The following PLXNC1 variants were observed in gnomAD, a reference collection of about 807,000 sequenced individuals.
The protein encoded by PLXNC1 is plexin C1, also known as plexin-C1.
In PLXNC1, 75 loss-of-function variants were observed where a neutral mutation model predicts 178.2. The ratio of observed to expected loss-of-function variants is 0.42; its 90% CI spans 0.35 to 0.51. The LOEUF is 0.51. PLXNC1 is among the 20% of genes least tolerant of loss of function. PLXNC1 has a pLI of 0.02. For missense variants in PLXNC1, 1,503 were observed against 1,984.4 expected (o/e 0.76, Z 4.61); for synonymous variants, 790 against 779.9 (o/e 1.01, Z -0.22).
At chr12:94,259,265 GTAT>G in intron 17 of PLXNC1, 69 bp from the exon 18 acceptor site, 1 of 1,132,096 alleles carries the variant, frequency 8.8e-7, no homozygotes, top group Non-Finnish European at 1.3e-6. Flanking sequence ...ACGGACTTGG[GTAT>G]TATAACAAAA....
intron 21 of PLXNC1, among the ~76,000 whole-genome samples, chr12:94,279,251 G>T (rs1398816438): frequency 6.6e-6 from 1 of 152,074 alleles, no homozygotes; most frequent in African/African-American, 2.4e-5. Context: ...TTTATTCAAT[G>T]CTTGCTCTAT....
chr12:94,298,016 A>G (rs1384365677), intron 26 of PLXNC1, among the ~76,000 whole-genome samples: 1 of 148,854 alleles, frequency 6.7e-6, no homozygotes, highest in Non-Finnish European at 1.5e-5. Flanking sequence ...TATAAATGCT[A>G]TGATCTACAC....
intron 21 of PLXNC1, among the ~76,000 whole-genome samples, chr12:94,270,138 G>A (rs1965486396): frequency 6.6e-6 from 1 of 152,234 alleles, no homozygotes; most frequent in Non-Finnish European, 1.5e-5. Flanking sequence ...AGTCATGGCG[G>A]AGATAGAAAG....
chr12:94,204,224 G>A (rs1056667428), intron 4 of PLXNC1, among the ~76,000 whole-genome samples: 2 of 152,204 alleles, frequency 1.3e-5, no homozygotes, highest in African/African-American at 4.8e-5. Context: ...TGAGACCACA[G>A]GCTTTGAGGC....
chr12:94,252,288 G>C (rs548922098), intron 15 of PLXNC1, among the ~76,000 whole-genome samples: 2 of 152,108 alleles, frequency 1.3e-5, no homozygotes, highest in Non-Finnish European at 2.9e-5. Context: ...GGTCATGCCT[G>C]GGCACAGTGG....
chr12:94,159,651 T>C (rs1245369167), intron 1 of PLXNC1, among the ~76,000 whole-genome samples: 1 of 151,952 alleles, frequency 6.6e-6, no homozygotes, highest in Non-Finnish European at 1.5e-5. Flanking sequence ...TCCTTGGCAA[T>C]GGGAAGGAGA....
intron 2 of PLXNC1, among the ~76,000 whole-genome samples, chr12:94,177,466 C>G (rs1161485151): frequency 6.8e-6 from 1 of 146,530 alleles, no homozygotes; most frequent in Non-Finnish European, 1.5e-5. Flanking sequence ...GGCCACAGAA[C>G]TTTTTGATAA....
intron 4 of PLXNC1, among the ~76,000 whole-genome samples, chr12:94,189,572 C>T (rs574661237): frequency 4.0e-5 from 6 of 151,838 alleles, no homozygotes; most frequent in African/African-American, 1.4e-4. Flanking sequence ...CCCAGCTACT[C>T]GGGAGGTTAA....
At chr12:94,257,580 C>A (rs935460511) in intron 17 of PLXNC1, among the ~76,000 whole-genome samples, 16 of 152,190 alleles carry the variant, frequency 1.1e-4, no homozygotes, top group African/African-American at 3.9e-4. Flanking sequence ...TAGGGACCAG[C>A]CTGGCCAACA....
chr12:94,299,219 C>T lies in PLXNC1; in HGVS notation c.4238+424C>T, dbSNP rs151239368. ...ATTCTGTACAGAAATTTATCAAGTG[C>T]AGTACTCAGATACTATGAGAATTAG... On this transcript the variant is annotated intron_variant, in intron 27 of 30. Transcript: ENST00000258526. 6.6e-5 allele frequency among the ~76,000 whole-genome samples: 10 copies of T among 152,290 alleles called. No individual in the cohort carries two copies. In the East Asian group the frequency reaches 1.9e-3, roughly 29 times the overall value.
At chr12:94,296,061 C>T (rs1026471617) in intron 24 of PLXNC1, among the ~76,000 whole-genome samples, 2 of 152,212 alleles carry the variant, frequency 1.3e-5, no homozygotes, top group African/African-American at 4.8e-5. Context: ...TTCCAACCTT[C>T]TTGGTATCCT....
At chr12:94,178,529 T>C (rs1962186476) in intron 2 of PLXNC1, among the ~76,000 whole-genome samples, 1 of 152,226 alleles carries the variant, frequency 6.6e-6, no homozygotes, top group South Asian at 2.1e-4. Context: ...ATCAACTGAA[T>C]CTGAGCTGAT....
intron 10 of PLXNC1, among the ~76,000 whole-genome samples, chr12:94,238,447 A>G (rs1007473854): frequency 2.0e-5 from 3 of 151,646 alleles, no homozygotes; most frequent in East Asian, 1.9e-4. Context: ...AGACTTTTCA[A>G]TTTCTACCGA....
chr12:94,164,165 C>T (rs1464370795), intron 1 of PLXNC1, among the ~76,000 whole-genome samples: 2 of 152,090 alleles, frequency 1.3e-5, no homozygotes, highest in Non-Finnish European at 2.9e-5. Flanking sequence ...TGGGAAGTAA[C>T]AGAAAATGAT....
chr12:94,284,967 C>T (rs958205590), intron 23 of PLXNC1, among the ~76,000 whole-genome samples: 1 of 152,158 alleles, frequency 6.6e-6, no homozygotes, highest in Non-Finnish European at 1.5e-5. Flanking sequence ...CTGTGGATTT[C>T]TGGTGAGGAT....
At position 94,248,022 on chromosome 12, in the gene PLXNC1, A is replaced by T. The variant is rs1250054005; in HGVS notation, c.2508A>T (p.Gly836=). Reference sequence around the variant, plus strand: ...TACAAGACACCTACTTGGATTGTGGAACCCTGCAGTATCGGGAGGACCCCA... The same window carrying T: ...TACAAGACACCTACTTGGATTGTGGTACCCTGCAGTATCGGGAGGACCCCA... The part of the protein sequence containing the change: ...LRVQDTYLDC[G]TLQYREDPRF... Residue 836 remains glycine (G), a synonymous_variant, in exon 13 of 31, where the codon GGA becomes GGT. Transcript: ENST00000258526. 1 of 1,614,176 alleles carries T rather than the reference A, an allele frequency of 6.2e-7. No homozygotes were observed. Among genetic ancestry groups the T allele is most frequent in the East Asian group, 2.2e-5 (1 of 44,884 alleles).
At chr12:94,283,208 G>GTGGCT (rs1966578710) in intron 23 of PLXNC1, among the ~76,000 whole-genome samples, 1 of 152,190 alleles carries the variant, frequency 6.6e-6, no homozygotes, top group African/African-American at 2.4e-5. Flanking sequence ...GTAGTGCTGT[G>GTGGCT]TGGCTTGGAG....
intron 22 of PLXNC1, 171 bp from the exon 23 acceptor site, chr12:94,282,127 A>AAC: frequency 1.9e-6 from 1 of 528,594 alleles, no homozygotes; most frequent in East Asian, 3.1e-5. Flanking sequence ...TAAACAAACA[A>AAC]ACAAAGTAAA....
chr12:94,206,240 C>A (rs74375503), intron 4 of PLXNC1, among the ~76,000 whole-genome samples: 1 of 150,260 alleles, frequency 6.7e-6, no homozygotes, highest in Admixed American at 6.6e-5. Flanking sequence ...GACTTGGGGC[C>A]GGAGTAGGTT....
Sources: allele counts gnomAD v4.1 joint callset (sites outside exome capture counted in the v4.1 genomes callset), GRCh38; gene constraint gnomAD v4.1.1; transcripts MANE v1.5; gene names NCBI Gene and HGNC (gene_info 2026-07-23, HGNC 2026-07-21).